The following AMPH variants were observed in gnomAD, a reference collection of about 807,000 sequenced individuals.
The protein encoded by AMPH is amphiphysin.
Under a neutral mutation model 99.1 loss-of-function variants are expected in AMPH, and 49 were observed. That is an observed-to-expected ratio of 0.49 (90% CI 0.39 to 0.63). The LOEUF is 0.63. Among genes scored for constraint, AMPH ranks in the 20% least tolerant of loss-of-function variants. AMPH has a pLI of 0.00. For synonymous variants in AMPH, 314 were observed against 317.3 expected, an observed-to-expected ratio of 0.99 and a Z score of 0.11; for missense variants, 759 against 863.4, an observed-to-expected ratio of 0.88 and a Z score of 1.52.
intron 16 of AMPH, among the ~76,000 whole-genome samples, chr7:38,418,345 C>T (rs374515361): frequency 3.7e-4 from 56 of 151,918 alleles, no homozygotes; most frequent in African/African-American, 1.1e-3. Context: ...GAGACAGAGA[C>T]GGAGGCAGAG....
chr7:38,476,153 G>C (rs541272562), intron 6 of AMPH, among the ~76,000 whole-genome samples: 1 of 152,206 alleles, frequency 6.6e-6, no homozygotes, highest in East Asian at 1.9e-4. Flanking sequence ...GGAAGAAGGC[G>C]AGGAGGGGAA....
At chr7:38,518,833 G>C (rs922337834) in intron 2 of AMPH, among the ~76,000 whole-genome samples, 18 of 152,190 alleles carry the variant, frequency 1.2e-4, no homozygotes, top group African/African-American at 4.3e-4. Context: ...TTTGAATTGT[G>C]AGAAGGACAT....
chr7:38,416,126 T>TATATATA (rs70975100), intron 17 of AMPH, among the ~76,000 whole-genome samples: 24 of 132,224 alleles, frequency 1.8e-4, no homozygotes, highest in South Asian at 9.9e-4. Context: ...TATATATATA[T>TATATATA]TAGCTATTAC....
intron 18 of AMPH, 135 bp downstream of exon 18, chr7:38,393,870 T>C (rs1784588861): frequency 3.9e-6 from 3 of 759,812 alleles, no homozygotes; most frequent in Non-Finnish European, 6.5e-6. Context: ...CTGATAATAA[T>C]GTTGTTTGGT....
At chr7:38,527,198 C>T (rs1340285927) in intron 2 of AMPH, among the ~76,000 whole-genome samples, 1 of 152,144 alleles carries the variant, frequency 6.6e-6, no homozygotes, top group East Asian at 1.9e-4. Flanking sequence ...AGAATTTTTC[C>T]TCCTACTTTG....
At chr7:38,542,372 C>T (rs756622789) in intron 1 of AMPH, among the ~76,000 whole-genome samples, 47 of 152,172 alleles carry the variant, frequency 3.1e-4, no homozygotes, top group Non-Finnish European at 5.7e-4. Context: ...CATTATTGCA[C>T]AGAATAATGC....
chr7:38,489,668 C>T (rs1226554184), intron 5 of AMPH, among the ~76,000 whole-genome samples: 3 of 151,950 alleles, frequency 2.0e-5, no homozygotes, highest in Non-Finnish European at 4.4e-5. Context: ...ACACCCAGAG[C>T]TCAATAGAAA....
At chr7:38,587,031 A>G (rs1240822954) in intron 1 of AMPH, among the ~76,000 whole-genome samples, 5 of 151,274 alleles carry the variant, frequency 3.3e-5, no homozygotes, top group Non-Finnish European at 7.4e-5. Context: ...ACACACACAC[A>G]CACACACATA....
At chr7:38,462,903 G>C (rs1787504192) in intron 10 of AMPH, 72 bp downstream of exon 10, 2 of 1,451,798 alleles carry the variant, frequency 1.4e-6, no homozygotes, top group Non-Finnish European at 1.8e-6. Flanking sequence ...CGGCACCGTG[G>C]GATTATCCTA....
intron 8 of AMPH, 100 bp from the exon 9 acceptor site, chr7:38,465,649 A>C: frequency 9.8e-7 from 1 of 1,023,754 alleles, no homozygotes; most frequent in Non-Finnish European, 1.5e-6. Context: ...AGAAGCTATA[A>C]ATTTTATGAT....
chr7:38,586,617 G>T (rs1792658091), intron 1 of AMPH, among the ~76,000 whole-genome samples: 1 of 152,128 alleles, frequency 6.6e-6, no homozygotes. Flanking sequence ...GGAAGGAGGG[G>T]TCTAGAGCTG....
intron 17 of AMPH, among the ~76,000 whole-genome samples, chr7:38,414,862 T>G (rs1426363074): frequency 6.6e-6 from 1 of 152,024 alleles, no homozygotes; most frequent in East Asian, 1.9e-4. Context: ...TGGGGTTTCA[T>G]CATGTTGGCC....
chr7:38,533,285 C>G (rs990656531), intron 2 of AMPH, among the ~76,000 whole-genome samples: 3 of 152,176 alleles, frequency 2.0e-5, no homozygotes, highest in Non-Finnish European at 4.4e-5. Flanking sequence ...AGCCAAAGCT[C>G]TCTGTAATAT....
intron 1 of AMPH, among the ~76,000 whole-genome samples, chr7:38,580,703 CGAT>C (rs1792421259): frequency 6.8e-6 from 1 of 147,528 alleles, no homozygotes; most frequent in Non-Finnish European, 1.5e-5. Flanking sequence ...ATGATGATGA[CGAT>C]GACGATAAGG....
chr7:38,509,383 G>T (rs977647355), intron 2 of AMPH, among the ~76,000 whole-genome samples: 1 of 152,092 alleles, frequency 6.6e-6, no homozygotes, highest in Non-Finnish European at 1.5e-5. Context: ...GAATATCTAC[G>T]ATCTGAAGAC....
At chr7:38,426,055 G>A (rs1785772439) in intron 15 of AMPH, among the ~76,000 whole-genome samples, 1 of 151,970 alleles carries the variant, frequency 6.6e-6, no homozygotes, top group African/African-American at 2.4e-5. Context: ...AATATCAGTG[G>A]GTTTTTATCT....
intron 6 of AMPH, among the ~76,000 whole-genome samples, chr7:38,476,285 A>C (rs1788083122): frequency 6.6e-6 from 1 of 152,180 alleles, no homozygotes; most frequent in African/African-American, 2.4e-5. Context: ...TAAAAGACTT[A>C]AGCAGTTGAG....
At chr7:38,441,422 A>G (rs1377001312) in intron 11 of AMPH, among the ~76,000 whole-genome samples, 4 of 152,130 alleles carry the variant, frequency 2.6e-5, no homozygotes, top group Non-Finnish European at 5.9e-5. Context: ...AGCAGAATAT[A>G]TATTCTTTTC....
At chr7:38,461,932 A>T (rs1420060500) in intron 10 of AMPH, among the ~76,000 whole-genome samples, 1 of 152,206 alleles carries the variant, frequency 6.6e-6, no homozygotes, top group Non-Finnish European at 1.5e-5. Flanking sequence ...CTACATATAG[A>T]TGGTCCTCAA....
Sources: allele counts gnomAD v4.1 joint callset (sites outside exome capture counted in the v4.1 genomes callset), GRCh38; gene constraint gnomAD v4.1.1; transcripts MANE v1.5; gene names NCBI Gene and HGNC (gene_info 2026-07-23, HGNC 2026-07-21).